Variants in FIRRM observed in about 807,000 individuals in gnomAD.
The protein encoded by FIRRM is FIGNL1-interacting regulator of recombination and mitosis.
At chr1:169,799,073 C>G in the FIRRM span, 1 of 408,098 alleles carries the variant, frequency 2.5e-6, no homozygotes, top group Non-Finnish European at 4.4e-6. Context: ...TAACTGTTCT[C>G]TATGTTACAG....
At chr1:169,799,037 T>G in the FIRRM span, 3 of 520,400 alleles carry the variant, frequency 5.8e-6, no homozygotes, top group Admixed American at 1.0e-4. Context: ...AGATGTGTTC[T>G]TACAGTTTTG....
the FIRRM span, chr1:169,853,931 A>G: frequency 1.3e-6 from 1 of 794,942 alleles, no homozygotes; most frequent in Non-Finnish European, 2.0e-6. Flanking sequence ...AGAAAGTTGA[A>G]AAGTAGGATT....
the FIRRM span, chr1:169,849,351 G>A: frequency 5.0e-6 from 3 of 601,344 alleles, no homozygotes; most frequent in South Asian, 4.5e-5. Flanking sequence ...TTGAGTAAAA[G>A]AGTGACATTA....
At chr1:169,852,627 C>T in the FIRRM span, 1 of 671,664 alleles carries the variant, frequency 1.5e-6, no homozygotes, top group Non-Finnish European at 2.5e-6. Context: ...AATGCCTTTA[C>T]ATATTTTTCT....
At chr1:169,827,758 G>T in the FIRRM span, 1 of 1,614,006 alleles carries the variant, frequency 6.2e-7, no homozygotes, top group South Asian at 1.1e-5. Context: ...TCTGGTTGTT[G>T]TCATGGATAA....
the FIRRM span, among the ~76,000 whole-genome samples, chr1:169,840,465 G>T: frequency 1.3e-5 from 2 of 151,246 alleles, no homozygotes; most frequent in Non-Finnish European, 2.9e-5. Flanking sequence ...ATTCCTAGGG[G>T]TGTGCGTGTA....
chr1:169,788,213 C>CA, the FIRRM span, among the ~76,000 whole-genome samples: 1 of 152,114 alleles, frequency 6.6e-6, no homozygotes, highest in African/African-American at 2.4e-5. Flanking sequence ...ATTTGAATTG[C>CA]ATGGTCAGTT....
At chr1:169,832,606 C>A in the FIRRM span, 1 of 895,376 alleles carries the variant, frequency 1.1e-6, no homozygotes, top group Non-Finnish European at 1.8e-6. Flanking sequence ...AAAAATTTAT[C>A]TTATTATTTT....
chr1:169,853,841 G>T, the FIRRM span: 1 of 1,545,728 alleles, frequency 6.5e-7, no homozygotes, highest in African/African-American at 1.4e-5. Flanking sequence ...ACGCAAATTT[G>T]AAAAAGCAGG....
chr1:169,810,870 T>TTTTTTTTTTTTTTTTTTTTTTTGG, the FIRRM span, among the ~76,000 whole-genome samples: 1 of 106,348 alleles, frequency 9.4e-6, no homozygotes, highest in African/African-American at 3.9e-5. Flanking sequence ...TTTTTTTTTT[T>TTTTTTTTTTTTTTTTTTTTTTTGG]GAGACGGAGT....
the FIRRM span, chr1:169,792,823 G>A: frequency 1.2e-6 from 2 of 1,613,740 alleles, no homozygotes; most frequent in African/African-American, 1.3e-5. Flanking sequence ...TTTCTGAGGT[G>A]AGAATGAGAT....
chr1:169,801,408 G>A, the FIRRM span, among the ~76,000 whole-genome samples: 1 of 134,660 alleles, frequency 7.4e-6, no homozygotes, highest in African/African-American at 2.8e-5. Context: ...TCGTGCCATT[G>A]CACTCCAGCC....
chr1:169,785,698 A>G, the FIRRM span, among the ~76,000 whole-genome samples: 4 of 152,244 alleles, frequency 2.6e-5, no homozygotes, highest in East Asian at 7.7e-4. Context: ...AATAAGGGGC[A>G]TGGCAGGCCA....
At chr1:169,810,173 C>T in the FIRRM span, among the ~76,000 whole-genome samples, 3 of 152,136 alleles carry the variant, frequency 2.0e-5, no homozygotes, top group African/African-American at 7.2e-5. Context: ...CCCCAAAGGC[C>T]CCACCTCTTA....
chr1:169,804,058 T>C, the FIRRM span: 1 of 1,429,376 alleles, frequency 7.0e-7, no homozygotes, highest in Non-Finnish European at 9.2e-7. Context: ...CTCTCATTTT[T>C]ATTTATCCGT....
the FIRRM span, among the ~76,000 whole-genome samples, chr1:169,826,545 T>G: frequency 6.6e-6 from 1 of 151,694 alleles, no homozygotes; most frequent in South Asian, 2.1e-4. Context: ...GTATTTTTAG[T>G]AGAGACGGGG....
chr1:169,801,773 G>A, the FIRRM span, among the ~76,000 whole-genome samples: 3 of 152,164 alleles, frequency 2.0e-5, no homozygotes, highest in African/African-American at 7.2e-5. Context: ...AGATACTTTG[G>A]TGCCAAAATG....
chr1:169,831,821 A>G, the FIRRM span, among the ~76,000 whole-genome samples: 2 of 152,098 alleles, frequency 1.3e-5, no homozygotes, highest in Non-Finnish European at 2.9e-5. Flanking sequence ...GTGGTGTGCA[A>G]TCATAGTTCA....
At chr1:169,802,321 T>A in the FIRRM span, among the ~76,000 whole-genome samples, 1 of 152,332 alleles carries the variant, frequency 6.6e-6, no homozygotes, top group Non-Finnish European at 1.5e-5. Flanking sequence ...TTTTATTTTT[T>A]GCATCTCTAA....
Sources: allele counts gnomAD v4.1 joint callset (sites outside exome capture counted in the v4.1 genomes callset), GRCh38; gene constraint gnomAD v4.1.1; transcripts MANE v1.5; gene names NCBI Gene and HGNC (gene_info 2026-07-23, HGNC 2026-07-21).